PCDHGB2: variants seen among roughly 807,000 people sequenced by gnomAD.
PCDHGB2 encodes the protein protocadherin gamma-B2.
A neutral mutation model predicts 59.3 loss-of-function variants in PCDHGB2; 55 were observed. The observed-to-expected ratio is 0.93, with a 90% confidence interval of 0.75 to 1.16. PCDHGB2 has a LOEUF of 1.16. Among genes scored for constraint, PCDHGB2 ranks in the 50% most tolerant of loss-of-function variants. The probability of loss-of-function intolerance (pLI) is 0.00; values close to 1 mark genes in which losing one functional copy is unlikely to be tolerated. For synonymous variants in PCDHGB2, 516 were observed against 512.0 expected (o/e 1.01, Z -0.11); for missense variants, 1,228 against 1,198.5 (o/e 1.02, Z -0.36).
rs374181150 is a variant in PCDHGB2, at chr5:141,477,134, G to C, written c.2422-17673G>C. The C allele has an allele frequency of 2.5e-5, 41 of 1,614,092 alleles. No homozygotes were observed. Among genetic ancestry groups the C allele is most frequent in the Non-Finnish European group, 3.4e-5 (40 of 1,180,056 alleles). ...CGAAGGAGCACATTGCAAAGTGTTG[G>C]TGGAGGTTGTGGATGTGAATGACAA... is the stretch of plus-strand genomic sequence containing the variant. On this transcript the variant is annotated intron_variant, in intron 1 of 3. Coordinates refer to ENST00000522605, the MANE Select transcript of PCDHGB2 (RefSeq NM_018923.3). The surrounding 1 kb of genome is among the most constrained non-coding windows in gnomAD (Gnocchi z 4.9).
chr5:141,370,407 T>C lies in PCDHGB2; in HGVS notation c.2421+7851T>C. 4 of 1,561,028 alleles carry C rather than the reference T, an allele frequency of 2.6e-6. No individual in the cohort carries two copies. The Admixed American group carries it at 5.9e-5, about 23-fold the overall frequency. ...CGCAGAGAGCGGGATGGGAAATAGCTCCGGATGGAGGGGCCCAGCAGGGCA... is the reference window on the plus strand; with the variant it reads ...CGCAGAGAGCGGGATGGGAAATAGCCCCGGATGGAGGGGCCCAGCAGGGCA... On this transcript the variant is annotated intron_variant, in intron 1 of 3. Transcript: ENST00000522605.
chr5:141,387,561 A>G lies in PCDHGB2; in HGVS notation c.2421+25005A>G, dbSNP rs2090990234. 9 of 426,060 alleles carry G rather than the reference A, an allele frequency of 2.1e-5. No homozygotes were observed. The East Asian group carries it at 3.4e-4, about 16-fold the overall frequency. 26.4% of individuals were successfully genotyped at this position (426,060 alleles called of 1,614,324 possible). A position where few individuals can be genotyped will look rare whatever the true frequency, so the allele number is the denominator to read the frequency against. The stretch of plus-strand genomic sequence containing the variant: ...AGTTTTTGTTCTTTCAGTTAGGCAC[A>G]CAATTATAATTATTGCACTGGTTAA... On this transcript the variant is annotated intron_variant, in intron 1 of 3. Transcript: ENST00000522605.
At chr5:141,501,809 A>G (rs2099811165) in intron 2 of PCDHGB2, among the ~76,000 whole-genome samples, 1 of 152,176 alleles carries the variant, frequency 6.6e-6, no homozygotes, top group African/African-American at 2.4e-5. Flanking sequence ...ACCCAGCTTC[A>G]CATAATTGGC....
chr5:141,395,019 C>T (rs374672662), intron 1 of PCDHGB2: 5 of 1,613,986 alleles, frequency 3.1e-6, no homozygotes, highest in South Asian at 1.1e-5. Context: ...GGTAGGCGTG[C>T]CTGCCTCACA....
At chr5:141,384,904 C>G (rs1780643857) in intron 1 of PCDHGB2, 1 of 1,613,886 alleles carries the variant, frequency 6.2e-7, no homozygotes, top group Admixed American at 1.7e-5. Context: ...TGACAGCATC[C>G]CCGAAGTCTT....
At chr5:141,363,584 T>C (rs1175154896) in intron 1 of PCDHGB2, among the ~76,000 whole-genome samples, 1 of 152,246 alleles carries the variant, frequency 6.6e-6, no homozygotes, top group Non-Finnish European at 1.5e-5. Context: ...AATGCATAGT[T>C]AACCCAACTC....
intron 1 of PCDHGB2, chr5:141,372,614 C>T: frequency 1.2e-6 from 2 of 1,613,984 alleles, no homozygotes; most frequent in East Asian, 4.5e-5. Context: ...CTGGAGTTCT[C>T]CCCACCTACA....
In PCDHGB2 at chr5:141,485,031, C is replaced by A; in HGVS notation, c.2422-9776C>A. On this transcript the variant is annotated intron_variant, in intron 1 of 3. Coordinates refer to ENST00000522605, the MANE Select transcript of PCDHGB2 (RefSeq NM_018923.3). The surrounding 1 kb of genome is among the most constrained non-coding windows in gnomAD (Gnocchi z 5.7). Reference sequence around the variant, plus strand: ...TACCCCGCCACCAGCAAAAACGGCGCGTAACCCTTGCGGCGCCGGCCGAAC... The same window carrying A: ...TACCCCGCCACCAGCAAAAACGGCGAGTAACCCTTGCGGCGCCGGCCGAAC... The A allele has an allele frequency of 1.5e-6, 1 of 680,514 alleles. No homozygotes were observed. Among genetic ancestry groups the A allele is most frequent in the South Asian group, 1.8e-5 (1 of 54,868 alleles). 42.2% of individuals were successfully genotyped at this position (680,514 alleles called of 1,614,324 possible). A position where few individuals can be genotyped will look rare whatever the true frequency, so the allele number is the denominator to read the frequency against.
chr5:141,419,494 T>A, intron 1 of PCDHGB2: 1 of 1,612,380 alleles, frequency 6.2e-7, no homozygotes, highest in Non-Finnish European at 8.5e-7. Context: ...TCAGCGCCAA[T>A]GTGAGCCTGC....
At chr5:141,448,808 G>C (rs2098608218) in intron 1 of PCDHGB2, among the ~76,000 whole-genome samples, 2 of 152,080 alleles carry the variant, frequency 1.3e-5, no homozygotes, top group Admixed American at 1.3e-4. Flanking sequence ...AGCCAGGCGT[G>C]ATGGCGGGCG....
rs1482322150 is a variant in PCDHGB2, at chr5:141,485,119, C to T, written c.2422-9688C>T. On this transcript the variant is annotated intron_variant, in intron 1 of 3. Transcript: ENST00000522605. This position sits in a 1 kb window ranked among gnomAD's most constrained non-coding sequence, Gnocchi z 5.7. ...CTCCAGCTGCTGTGGCTGTTTGGGGCGGGTCGGCTTCATCCGCGTCTCAGG... is the reference window on the plus strand; with the variant it reads ...CTCCAGCTGCTGTGGCTGTTTGGGGTGGGTCGGCTTCATCCGCGTCTCAGG... 9.8e-6 allele frequency: 13 copies of T among 1,328,806 alleles called. No individual in the cohort carries two copies. The East Asian group carries it at 1.8e-4, about 19-fold the overall frequency. 82.3% of individuals were successfully genotyped at this position (1,328,806 alleles called of 1,614,324 possible). A position where few individuals can be genotyped will look rare whatever the true frequency, so the allele number is the denominator to read the frequency against.
In PCDHGB2 at chr5:141,432,571, G is replaced by C; in HGVS notation, c.2422-62236G>C. On this transcript the variant is annotated intron_variant, in intron 1 of 3. Transcript: ENST00000522605. The surrounding 1 kb of genome is among the most constrained non-coding windows in gnomAD (Gnocchi z 6.0). ...GAGACTCCGGCCAGAACGCCTGGCT[G>C]TCCTACCGTCTGCTCAAGGCCAGCG... The C allele has an allele frequency of 6.2e-7, 1 of 1,613,954 alleles. No individual in the cohort carries two copies. The highest frequency in any genetic ancestry group is 8.5e-7 in the Non-Finnish European group (1 of 1,179,992).
At chr5:141,454,796 ATTTTTTTTTTTT>A (rs61612330) in intron 1 of PCDHGB2, among the ~76,000 whole-genome samples, 76 of 77,462 alleles carry the variant, frequency 9.8e-4, no homozygotes, top group African/African-American at 3.9e-3. Flanking sequence ...CATGGTTCTA[ATTTTTTTTTTTT>A]TTTTTTTTTT....
At chr5:141,452,909 TAC>T (rs1370071626) in intron 1 of PCDHGB2, among the ~76,000 whole-genome samples, 2 of 152,232 alleles carry the variant, frequency 1.3e-5, no homozygotes, top group African/African-American at 4.8e-5. Context: ...GTTGGCATTA[TAC>T]AGTAAGAAAG....
Position 141,361,549 on chromosome 5 carries a change from G to C in PCDHGB2, c.1414G>C (p.Ala472Pro). The C allele has an allele frequency of 6.2e-7, 1 of 1,614,036 alleles. No individual in the cohort carries two copies. The highest frequency in any genetic ancestry group is 8.5e-7 in the Non-Finnish European group (1 of 1,179,892). The change falls in exon 1 of 4, where the codon GCT becomes CCT. Residue 472 changes from alanine to proline, a missense_variant. By Grantham distance (27) the Ala-to-Pro change is conservative (BLOSUM62 -1). Around this residue, in one of 3 missense-constraint regions of PCDHGB2, gnomAD observed 781 missense variants for 721.6 expected, o/e 1.08. Coordinates refer to ENST00000522605, the MANE Select transcript of PCDHGB2 (RefSeq NM_018923.3). ...GAACAATCCTCCTGGCGCCTCTATCGCTCAAATCAGTGCCTCTGACCCTGA... is the reference window on the plus strand; with the variant it reads ...GAACAATCCTCCTGGCGCCTCTATCCCTCAAATCAGTGCCTCTGACCCTGA... ...AENNPPGASI[A>P]QISASDPDLG...
chr5:141,370,302 A>G, intron 1 of PCDHGB2: 1 of 1,187,592 alleles, frequency 8.4e-7, no homozygotes, highest in Non-Finnish European at 1.2e-6. Flanking sequence ...GCACAAAGAC[A>G]AAGCAAATAG....
chr5:141,506,372 C>A (rs1243713695), intron 3 of PCDHGB2, among the ~76,000 whole-genome samples: 1 of 151,402 alleles, frequency 6.6e-6, no homozygotes, highest in Non-Finnish European at 1.5e-5. Context: ...TCGCTTGAAC[C>A]TGGGAGGTGG....
chr5:141,501,290 TACACACACAC>T (rs55762287), intron 2 of PCDHGB2, among the ~76,000 whole-genome samples: 44 of 136,248 alleles, frequency 3.2e-4, no homozygotes, highest in Admixed American at 7.8e-4. Context: ...TATTCCCTTA[TACACACACAC>T]ACACACACAC....
intron 3 of PCDHGB2, among the ~76,000 whole-genome samples, chr5:141,509,504 C>T (rs534951697): frequency 4.7e-4 from 72 of 152,246 alleles, no homozygotes; most frequent in Non-Finnish European, 8.4e-4. Flanking sequence ...CTGGATGTGA[C>T]GGTGTTGATG....
Sources: gnomAD v4.1 joint callset for allele counts (sites outside exome capture counted in the v4.1 genomes callset) on GRCh38, gnomAD v4.1.1 for gene constraint, gnomAD v4.1.1 regional missense constraint, Gnocchi (gnomAD v3.1) non-coding constraint, MANE v1.5 for transcripts, NCBI Gene and HGNC (gene_info 2026-07-23, HGNC 2026-07-21) for gene names.